The following PTPRR variants were observed in gnomAD, a reference collection of about 807,000 sequenced individuals.
The protein encoded by PTPRR is protein tyrosine phosphatase receptor type R, also known as receptor-type tyrosine-protein phosphatase R.
PTPRR carries 38 observed loss-of-function variants against 77.2 expected under a neutral mutation model. The observed-to-expected ratio is 0.49, with a 90% CI of 0.38 to 0.65. The LOEUF is 0.65. PTPRR is among the 30% of genes least tolerant of loss of function. The probability of loss-of-function intolerance (pLI) is 0.00; values close to 1 mark genes in which losing one functional copy is unlikely to be tolerated. For missense variants in PTPRR, 744 were observed against 799.2 expected, an observed-to-expected ratio of 0.93 and a Z score of 0.83; for synonymous variants, 299 against 283.1, an observed-to-expected ratio of 1.06 and a Z score of -0.57.
chr12:70,896,930 G>A (rs376211422), intron 1 of PTPRR, among the ~76,000 whole-genome samples: 6 of 151,818 alleles, frequency 4.0e-5, no homozygotes, highest in South Asian at 2.1e-4. Context: ...GTAGATATGC[G>A]GCATTATTTC....
At chr12:70,696,022 T>C (rs1888219078) in intron 8 of PTPRR, among the ~76,000 whole-genome samples, 1 of 152,210 alleles carries the variant, frequency 6.6e-6, no homozygotes, top group Non-Finnish European at 1.5e-5. Flanking sequence ...AATGAATTAA[T>C]GAACTAAATT....
intron 2 of PTPRR, among the ~76,000 whole-genome samples, chr12:70,766,031 G>A (rs1296355486): frequency 6.6e-6 from 1 of 152,072 alleles, no homozygotes; most frequent in Non-Finnish European, 1.5e-5. Flanking sequence ...CATCATCAAA[G>A]ACCAAAAGTA....
intron 2 of PTPRR, among the ~76,000 whole-genome samples, chr12:70,889,667 GT>G (rs1179638248): frequency 1.3e-5 from 2 of 151,976 alleles, no homozygotes; most frequent in African/African-American, 4.8e-5. Context: ...ATCTTCCTAT[GT>G]GCTCACAGAA....
Position 70,892,969 on chromosome 12 carries a change from A to C in PTPRR, c.67T>G (p.Ser23Ala), listed in dbSNP as rs201620043. The change falls in exon 2 of 14, where the codon TCA becomes GCA. Residue 23 changes from serine to alanine, a missense_variant. Around this residue, in one of 3 missense-constraint regions of PTPRR, gnomAD observed 570 missense variants for 573.2 expected, o/e 0.99. Coordinates refer to ENST00000283228, the MANE Select transcript of PTPRR (RefSeq NM_002849.4). ...GCCAAAAAATGATCATTGTTTCCTGAAAAGCACCCTGAAAGAGGGAAGAAG... is the reference window on the plus strand; with the variant it reads ...GCCAAAAAATGATCATTGTTTCCTGCAAAGCACCCTGAAAGAGGGAAGAAG... ...LLNLHAAGCF[S>A]GNNDHFLAIN... 5 of 1,612,202 alleles carry C rather than the reference A, an allele frequency of 3.1e-6. No individual in the cohort carries two copies. In the African/African-American group the frequency reaches 4.0e-5, roughly 13 times the overall value.
intron 2 of PTPRR, among the ~76,000 whole-genome samples, chr12:70,822,448 A>G (rs1892031987): frequency 6.6e-6 from 1 of 152,198 alleles, no homozygotes; most frequent in Non-Finnish European, 1.5e-5. Flanking sequence ...AAAAATAATA[A>G]TTATAATATT....
At chr12:70,785,414 A>G (rs755649615) in intron 2 of PTPRR, among the ~76,000 whole-genome samples, 7 of 152,130 alleles carry the variant, frequency 4.6e-5, no homozygotes, top group Non-Finnish European at 8.8e-5. Context: ...TGTGATAAAA[A>G]CTTTTCTTTC....
intron 2 of PTPRR, among the ~76,000 whole-genome samples, chr12:70,832,056 T>C (rs1017576171): frequency 6.6e-6 from 1 of 152,220 alleles, no homozygotes; most frequent in African/African-American, 2.4e-5. Context: ...TCTCAATGTC[T>C]AGAATAGGTA....
chr12:70,826,724 T>C (rs973780367), intron 2 of PTPRR, among the ~76,000 whole-genome samples: 2 of 152,216 alleles, frequency 1.3e-5, no homozygotes, highest in African/African-American at 4.8e-5. Flanking sequence ...CTGCAAAACA[T>C]GTATGGCGTT....
At chr12:70,888,010 A>ATGTATGTATGTGTG (rs1893270153) in intron 2 of PTPRR, among the ~76,000 whole-genome samples, 1 of 49,982 alleles carries the variant, frequency 2.0e-5, no homozygotes. Flanking sequence ...GCAGTCGTGA[A>ATGTATGTATGTGTG]TGTGTGTATG....
intron 10 of PTPRR, among the ~76,000 whole-genome samples, chr12:70,681,400 T>C (rs1175979773): frequency 6.6e-6 from 1 of 152,224 alleles, no homozygotes; most frequent in Non-Finnish European, 1.5e-5. Context: ...TCAGGGTCTG[T>C]AGAAACTGCA....
chr12:70,882,411 G>A (rs1350886140), intron 2 of PTPRR, among the ~76,000 whole-genome samples: 1 of 152,084 alleles, frequency 6.6e-6, no homozygotes, highest in East Asian at 1.9e-4. Flanking sequence ...AGAGGATATA[G>A]AACACCAAGA....
At chr12:70,650,241 G>A (rs1244436555) in intron 13 of PTPRR, among the ~76,000 whole-genome samples, 1 of 151,986 alleles carries the variant, frequency 6.6e-6, no homozygotes, top group Non-Finnish European at 1.5e-5. Context: ...TCAGGAGTTC[G>A]AGACCAGCCT....
chr12:70,769,195 A>C (rs957603586), intron 2 of PTPRR, among the ~76,000 whole-genome samples: 51 of 147,424 alleles, frequency 3.5e-4, no homozygotes, highest in Non-Finnish European at 4.9e-4. Context: ...AAGGGTATTC[A>C]ATTAGGAAAA....
intron 2 of PTPRR, among the ~76,000 whole-genome samples, chr12:70,825,545 C>T (rs1032629511): frequency 2.0e-5 from 3 of 152,200 alleles, no homozygotes; most frequent in African/African-American, 4.8e-5. Context: ...CTGGGCCTGC[C>T]TTAAAGCATT....
intron 2 of PTPRR, among the ~76,000 whole-genome samples, chr12:70,768,307 TA>T (rs528303435): frequency 1.1e-3 from 174 of 152,126 alleles, no homozygotes; most frequent in African/African-American, 3.9e-3. Context: ...ATAGACGCAA[TA>T]AAAAATGATA....
intron 13 of PTPRR, among the ~76,000 whole-genome samples, chr12:70,642,677 CA>C (rs1227036070): frequency 6.6e-6 from 1 of 152,058 alleles, no homozygotes; most frequent in Non-Finnish European, 1.5e-5. Flanking sequence ...AAATACTTGT[CA>C]AATGAATTAC....
intron 2 of PTPRR, among the ~76,000 whole-genome samples, chr12:70,850,249 C>T (rs1016979804): frequency 7.2e-5 from 11 of 151,874 alleles, no homozygotes; most frequent in African/African-American, 2.7e-4. Flanking sequence ...ATAGTCCTAG[C>T]TACTCGGGAG....
intron 2 of PTPRR, among the ~76,000 whole-genome samples, chr12:70,834,908 T>C (rs952693243): frequency 3.9e-5 from 6 of 152,168 alleles, no homozygotes; most frequent in Non-Finnish European, 7.4e-5. Context: ...TCAAACAATA[T>C]GTCTACGATT....
chr12:70,792,534 A>G (rs1891439403), intron 2 of PTPRR, among the ~76,000 whole-genome samples: 1 of 152,146 alleles, frequency 6.6e-6, no homozygotes, highest in Non-Finnish European at 1.5e-5. Flanking sequence ...TTTCAAACTT[A>G]TATCTTGCAA....
Sources: gnomAD v4.1 joint callset for allele counts (sites outside exome capture counted in the v4.1 genomes callset) on GRCh38, gnomAD v4.1.1 for gene constraint, gnomAD v4.1.1 regional missense constraint, MANE v1.5 for transcripts, NCBI Gene and HGNC (gene_info 2026-07-23, HGNC 2026-07-21) for gene names.